Variants in PRKN observed in about 807,000 individuals in gnomAD.
PRKN encodes the protein parkin RBR E3 ubiquitin protein ligase.
In PRKN, 56 loss-of-function variants were observed where a neutral mutation model predicts 59.5. The ratio of observed to expected loss-of-function variants is 0.94; its 90% CI spans 0.76 to 1.18. The LOEUF is 1.18. Among genes scored for constraint, PRKN ranks in the 50% most tolerant of loss-of-function variants. PRKN has a pLI of 0.00. For missense variants in PRKN, 657 were observed against 596.4 expected (o/e 1.10, Z -1.06); for synonymous variants, 250 against 222.1 (o/e 1.13, Z -1.12).
intron 3 of PRKN, among the ~76,000 whole-genome samples, chr6:162,257,298 T>G (rs1382997834): frequency 6.6e-6 from 1 of 152,110 alleles, no homozygotes; most frequent in Non-Finnish European, 1.5e-5. Context: ...TGGCCACAGT[T>G]TTTCTTTTTT....
chr6:161,758,573 T>C (rs980684638), intron 7 of PRKN, among the ~76,000 whole-genome samples: 22 of 152,220 alleles, frequency 1.4e-4, no homozygotes, highest in African/African-American at 5.1e-4. Context: ...TCAATGGCTA[T>C]GTTCCTTACA....
chr6:162,258,103 C>G (rs1420018307), intron 3 of PRKN, among the ~76,000 whole-genome samples: 1 of 152,168 alleles, frequency 6.6e-6, no homozygotes, highest in Non-Finnish European at 1.5e-5. Flanking sequence ...TGAGGGTGCC[C>G]TCCTCACAGT....
chr6:162,169,922 ACTAGAGAG>A (rs1285003277), intron 4 of PRKN, among the ~76,000 whole-genome samples: 2 of 152,216 alleles, frequency 1.3e-5, no homozygotes, highest in African/African-American at 4.8e-5. Context: ...ACATTCTGAT[ACTAGAGAG>A]CAGTTAAACG....
chr6:162,215,533 C>G (rs985159945), intron 3 of PRKN, among the ~76,000 whole-genome samples: 3 of 152,070 alleles, frequency 2.0e-5, no homozygotes, highest in South Asian at 2.1e-4. Context: ...TGAATGTTGT[C>G]AAAAGATTAA....
At chr6:161,883,570 A>G (rs1253072208) in intron 6 of PRKN, among the ~76,000 whole-genome samples, 1 of 152,152 alleles carries the variant, frequency 6.6e-6, no homozygotes, top group Non-Finnish European at 1.5e-5. Context: ...GGTTACCTAT[A>G]TCTACCTGTG....
At chr6:162,331,703 C>T (rs897450533) in intron 2 of PRKN, among the ~76,000 whole-genome samples, 1 of 152,134 alleles carries the variant, frequency 6.6e-6, no homozygotes, top group African/African-American at 2.4e-5. Flanking sequence ...AATCAAATTC[C>T]TTCAGAGGAT....
Position 162,316,733 on chromosome 6 carries a change from GA to G in PRKN, c.172-53969del, listed in dbSNP as rs375896508. Among the ~76,000 whole-genome samples the G allele has an allele frequency of 8.1e-4, 123 of 152,078 alleles. 6 individuals carry two copies. The highest frequency in any genetic ancestry group is 2.8e-3 in the African/African-American group (118 of 41,480). On this transcript the variant is annotated intron_variant, in intron 2 of 11. Transcript: ENST00000366898. ...AAGCGCCAATTCTGGGGTATTTAAA[GA>G]GTTACAAAGAGAGTGCAAAAGGGGA...
At chr6:162,329,479 G>A (rs1783476157) in intron 2 of PRKN, among the ~76,000 whole-genome samples, 1 of 152,128 alleles carries the variant, frequency 6.6e-6, no homozygotes, top group South Asian at 2.1e-4. Flanking sequence ...AAGGGACTCC[G>A]TAAGCAAGTT....
At chr6:161,564,851 C>T (rs1377648910) in intron 8 of PRKN, among the ~76,000 whole-genome samples, 1 of 152,228 alleles carries the variant, frequency 6.6e-6, no homozygotes, top group Non-Finnish European at 1.5e-5. Flanking sequence ...TCTCTCGTCA[C>T]CTTGTCCTCC....
intron 2 of PRKN, among the ~76,000 whole-genome samples, chr6:162,430,861 C>T (rs937976941): frequency 7.2e-5 from 11 of 152,032 alleles, no homozygotes; most frequent in Non-Finnish European, 1.3e-4. Flanking sequence ...TATGGATTAT[C>T]GTCAAGTATC....
chr6:162,601,233 G>T (rs1440116814), intron 1 of PRKN, among the ~76,000 whole-genome samples: 1 of 151,822 alleles, frequency 6.6e-6, no homozygotes, highest in Admixed American at 6.6e-5. Flanking sequence ...CCACCCCGAT[G>T]ACCTTATCTA....
intron 1 of PRKN, among the ~76,000 whole-genome samples, chr6:162,535,462 T>G (rs1463212256): frequency 6.6e-6 from 1 of 152,186 alleles, no homozygotes; most frequent in Non-Finnish European, 1.5e-5. Flanking sequence ...CAAGATCATC[T>G]GTCTCTCAGA....
chr6:162,554,008 C>T (rs1021270934), intron 1 of PRKN, among the ~76,000 whole-genome samples: 1 of 152,086 alleles, frequency 6.6e-6, no homozygotes, highest in Non-Finnish European at 1.5e-5. Context: ...AAGGGCTCTG[C>T]AAGCACCGCA....
At chr6:162,528,879 CTTAT>C (rs1196570418) in intron 1 of PRKN, among the ~76,000 whole-genome samples, 1 of 152,026 alleles carries the variant, frequency 6.6e-6, no homozygotes, top group Non-Finnish European at 1.5e-5. Flanking sequence ...CAGCTTTTTA[CTTAT>C]TTATTTTTTT....
chr6:162,327,353 T>C lies in PRKN; in HGVS notation c.172-64588A>G, dbSNP rs561208310. ...GAAAGTTTTGTTGTGTTTTATTTTT[T>C]ATTTTTGTTTTTTGAAAAAAGACAT... On this transcript the variant is annotated intron_variant, in intron 2 of 11. Transcript: ENST00000366898. Among the ~76,000 whole-genome samples the C allele has an allele frequency of 9.8e-5, 15 of 152,330 alleles. No individual in the cohort carries two copies. In the East Asian group the frequency reaches 2.5e-3, roughly 25 times the overall value.
intron 1 of PRKN, among the ~76,000 whole-genome samples, chr6:162,449,133 C>G (rs554631849): frequency 2.6e-5 from 4 of 152,030 alleles, no homozygotes; most frequent in Non-Finnish European, 1.5e-5. Context: ...GTGATCAATT[C>G]GCCTCAGCCT....
intron 6 of PRKN, among the ~76,000 whole-genome samples, chr6:161,830,408 T>C (rs377151820): frequency 1.0e-3 from 157 of 152,230 alleles, no homozygotes; most frequent in African/African-American, 3.3e-3. Context: ...CCCGCCACCA[T>C]GCCGAGCTAA....
rs1349330335 is a variant in PRKN at position 161,901,239 on chromosome 6, A to C, written c.734+72063T>G. Among the ~76,000 whole-genome samples the C allele has an allele frequency of 5.3e-5, 8 of 152,026 alleles. No homozygotes were observed. In the East Asian group the frequency reaches 1.5e-3, roughly 29 times the overall value. On this transcript the variant is annotated intron_variant, in intron 6 of 11. Coordinates refer to ENST00000366898, the MANE Select transcript of PRKN (RefSeq NM_004562.3). ...GTGTGAGCCACCGCGTCCAGCCAATAATCAATAAATTTAATAAGAAAAGTA... is the reference window on the plus strand; with the variant it reads ...GTGTGAGCCACCGCGTCCAGCCAATCATCAATAAATTTAATAAGAAAAGTA...
Position 161,820,157 on chromosome 6 carries a change from C to T in PRKN, c.735-34249G>A, listed in dbSNP as rs138571109. On this transcript the variant is annotated intron_variant, in intron 6 of 11. Coordinates refer to ENST00000366898, the MANE Select transcript of PRKN (RefSeq NM_004562.3). The stretch of plus-strand genomic sequence containing the variant: ...TTTTTACCAGAAAGAGAGCATTTTG[C>T]TCATCAAATTTACAATCTTTCTAAA... Among the ~76,000 whole-genome samples, 604 of 151,546 alleles carry T rather than the reference C, an allele frequency of 4.0e-3. 1 individual carries two copies. The highest frequency in any genetic ancestry group is 0.013 in the African/African-American group (542 of 41,324).
Sources: gnomAD v4.1 joint callset for allele counts (sites outside exome capture counted in the v4.1 genomes callset) on GRCh38, gnomAD v4.1.1 for gene constraint, MANE v1.5 for transcripts, NCBI Gene and HGNC (gene_info 2026-07-23, HGNC 2026-07-21) for gene names.